Variants in FRAS1 observed in about 807,000 individuals in gnomAD.
The protein encoded by FRAS1 is extracellular matrix organizing protein FRAS1.
A neutral mutation model predicts 435.2 loss-of-function variants in FRAS1; 290 were observed. The observed-to-expected ratio is 0.67, with a 90% confidence interval of 0.61 to 0.73. The LOEUF is 0.73. Among genes scored for constraint, FRAS1 ranks in the 30% least tolerant of loss-of-function variants. The pLI is 0.00. For missense variants in FRAS1, 4,860 were observed against 5,001.5 expected, an observed-to-expected ratio of 0.97 and a Z score of 0.85; for synonymous variants, 1,800 against 1,851.0, an observed-to-expected ratio of 0.97 and a Z score of 0.71.
At chr4:78,452,517 G>C (rs190104439) in intron 47 of FRAS1, among the ~76,000 whole-genome samples, 163 bp downstream of exon 47, 116 of 152,230 alleles carry the variant, frequency 7.6e-4, no homozygotes, top group Admixed American at 1.2e-3. Context: ...ATTATACTTA[G>C]CACACAGCAG....
chr4:78,097,349 T>C (rs1741862016), intron 2 of FRAS1, among the ~76,000 whole-genome samples: 1 of 152,248 alleles, frequency 6.6e-6, no homozygotes, highest in Admixed American at 6.5e-5. Flanking sequence ...TTCCAACCTC[T>C]GCCTGTTACC....
intron 9 of FRAS1, among the ~76,000 whole-genome samples, chr4:78,274,551 T>C (rs1246612769): frequency 6.6e-6 from 1 of 152,236 alleles, no homozygotes; most frequent in East Asian, 1.9e-4. Context: ...CATCTTTATT[T>C]CTGCCTTCAT....
intron 3 of FRAS1, 56 bp from the exon 4 acceptor site, chr4:78,245,177 T>C (rs1725173739): frequency 5.8e-6 from 7 of 1,201,880 alleles, no homozygotes; most frequent in Non-Finnish European, 7.3e-6. Flanking sequence ...TGATGAACTA[T>C]TGTGACTTGG....
chr4:78,284,192 A>T (rs1727464553), intron 12 of FRAS1, among the ~76,000 whole-genome samples: 1 of 149,104 alleles, frequency 6.7e-6, no homozygotes, highest in African/African-American at 2.5e-5. Flanking sequence ...TGAATTTCAG[A>T]CAAGGAAAAC....
At chr4:78,226,693 A>G (rs1164951532) in intron 2 of FRAS1, among the ~76,000 whole-genome samples, 5 of 152,072 alleles carry the variant, frequency 3.3e-5, no homozygotes, top group African/African-American at 1.2e-4. Context: ...ATCAATATTC[A>G]TAGCAATTCT....
chr4:78,525,029 A>G (rs567188949), intron 69 of FRAS1, among the ~76,000 whole-genome samples: 1 of 152,154 alleles, frequency 6.6e-6, no homozygotes, highest in East Asian at 1.9e-4. Context: ...CTTGGAGAAC[A>G]ACAAGGAGGC....
At chr4:78,142,080 T>G (rs1720212753) in intron 2 of FRAS1, among the ~76,000 whole-genome samples, 1 of 152,066 alleles carries the variant, frequency 6.6e-6, no homozygotes, top group East Asian at 1.9e-4. Flanking sequence ...AAATCACCAC[T>G]AAAGAACTTA....
intron 58 of FRAS1, among the ~76,000 whole-genome samples, chr4:78,488,132 CA>C (rs1000974821): frequency 4.0e-5 from 6 of 150,634 alleles, no homozygotes; most frequent in African/African-American, 7.3e-5. Flanking sequence ...GACTCCGTCT[CA>C]AAAAAAAAGA....
chr4:78,423,501 A>G (rs943398204), intron 34 of FRAS1, among the ~76,000 whole-genome samples: 1 of 152,204 alleles, frequency 6.6e-6, no homozygotes, highest in Non-Finnish European at 1.5e-5. Context: ...ACTACATAAC[A>G]CCATGGATAT....
At chr4:78,431,806 A>G (rs975739947) in intron 37 of FRAS1, among the ~76,000 whole-genome samples, 1 of 152,186 alleles carries the variant, frequency 6.6e-6, no homozygotes, top group African/African-American at 2.4e-5. Context: ...CATAATGCCG[A>G]TCAAATTTCT....
chr4:78,242,641 G>A (rs1725055441), intron 3 of FRAS1, among the ~76,000 whole-genome samples: 1 of 152,154 alleles, frequency 6.6e-6, no homozygotes, highest in Non-Finnish European at 1.5e-5. Context: ...TCACCATGAT[G>A]GCCAGGCTGG....
At chr4:78,076,198 G>C (rs986170869) in intron 2 of FRAS1, among the ~76,000 whole-genome samples, 4 of 152,104 alleles carry the variant, frequency 2.6e-5, no homozygotes, top group Non-Finnish European at 5.9e-5. Context: ...TTGAAAAAGA[G>C]AGATCAATTT....
At chr4:78,152,706 A>C (rs922076918) in intron 2 of FRAS1, among the ~76,000 whole-genome samples, 3 of 143,360 alleles carry the variant, frequency 2.1e-5, no homozygotes, top group Non-Finnish European at 3.0e-5. Context: ...TGACAGATTC[A>C]GTTTTGGAGA....
intron 2 of FRAS1, chr4:78,181,684 C>A: frequency 1.2e-6 from 2 of 1,609,692 alleles, no homozygotes. Context: ...CAATTATTTT[C>A]CCCTCACCCT....
chr4:78,372,393 G>C (rs765289322), intron 23 of FRAS1, among the ~76,000 whole-genome samples: 3 of 152,184 alleles, frequency 2.0e-5, no homozygotes, highest in African/African-American at 7.2e-5. Context: ...GGCAGGTTTT[G>C]CATGAAGACT....
Position 78,483,767 on chromosome 4 carries a change from ACTCTCT to A in FRAS1, c.8752+1243_8752+1248del, listed in dbSNP as rs148245140. Among the ~76,000 whole-genome samples, 144 of 110,166 alleles carry A rather than the reference ACTCTCT, an allele frequency of 1.3e-3. 12 individuals are homozygous for A. The highest frequency in any genetic ancestry group is 3.0e-3 in the Admixed American group (30 of 9,994). 72.3% of individuals were successfully genotyped at this position (110,166 alleles called of 152,430 possible). A position where few individuals can be genotyped will look rare whatever the true frequency, so the allele number is the denominator to read the frequency against. On this transcript the variant is annotated intron_variant, in intron 58 of 73. Transcript: ENST00000512123. Reference sequence around the variant, plus strand: ...GTTTATCCTTCAGGAGAAAAAAAAAACTCTCTCTCTCTCTCTATATATATATATATA... The same window carrying A: ...GTTTATCCTTCAGGAGAAAAAAAAAACTCTCTCTCTATATATATATATATA...
chr4:78,502,853 G>T (rs1720724249), intron 61 of FRAS1, among the ~76,000 whole-genome samples: 1 of 152,142 alleles, frequency 6.6e-6, no homozygotes, highest in Admixed American at 6.5e-5. Context: ...CTATGGGTTT[G>T]TCATAAATAG....
intron 2 of FRAS1, among the ~76,000 whole-genome samples, chr4:78,095,198 C>T (rs1741735522): frequency 1.3e-5 from 2 of 152,252 alleles, no homozygotes; most frequent in South Asian, 4.1e-4. Context: ...AAATTCTATG[C>T]TCAAGTACAG....
intron 1 of FRAS1, among the ~76,000 whole-genome samples, chr4:78,065,081 T>TACAC (rs754079583): frequency 3.2e-5 from 4 of 125,692 alleles, no homozygotes; most frequent in Admixed American, 8.4e-5. Flanking sequence ...TATATATATA[T>TACAC]ATACATACAC....
Sources: allele counts gnomAD v4.1 joint callset (sites outside exome capture counted in the v4.1 genomes callset), GRCh38; gene constraint gnomAD v4.1.1; transcripts MANE v1.5; gene names NCBI Gene and HGNC (gene_info 2026-07-23, HGNC 2026-07-21).